The following PCBD2 variants were observed in gnomAD, a reference collection of about 807,000 sequenced individuals.
The protein encoded by PCBD2 is pterin-4-alpha-carbinolamine dehydratase 2.
A neutral mutation model predicts 16.4 loss-of-function variants in PCBD2; 12 were observed. The ratio of observed to expected loss-of-function variants is 0.73; its 90% CI spans 0.47 to 1.19. The LOEUF (loss-of-function observed/expected upper bound fraction) is 1.19, where lower values mean the gene tolerates loss of function less well. Ranked by LOEUF, PCBD2 falls within the 50% of genes most tolerant of loss-of-function variation. The probability of loss-of-function intolerance (pLI) is 0.00; values close to 1 mark genes in which losing one functional copy is unlikely to be tolerated. For missense variants in PCBD2, 138 were observed against 156.8 expected, an observed-to-expected ratio of 0.88 and a Z score of 0.64; for synonymous variants, 58 against 61.8, an observed-to-expected ratio of 0.94 and a Z score of 0.29.
chr5:134,962,240 C>T lies in PCBD2; in HGVS notation c.*1559C>T, dbSNP rs942658971. Among the ~76,000 whole-genome samples, 3 of 152,058 alleles carry T rather than the reference C, an allele frequency of 2.0e-5. No individual in the cohort carries two copies. The highest frequency in any genetic ancestry group is 7.2e-5 in the African/African-American group (3 of 41,404). ...CTGAGTAGCAGCGGTTACAGGCATG[C>T]ATCACCACACCTGGCTTATTTTTAA... On this transcript the variant is annotated 3_prime_UTR_variant, in exon 4 of 4. Transcript: ENST00000254908.
In PCBD2 at chr5:134,932,404, C is replaced by T. The variant is rs545804301; in HGVS notation, c.216+21938C>T. On this transcript the variant is annotated intron_variant, in intron 2 of 3. Coordinates refer to ENST00000254908, the MANE Select transcript of PCBD2 (RefSeq NM_032151.5). ...TCACCCAGGCTGGAATGCAGTGGTG[C>T]GATCTCAGCTCACTGCAACCTCCGT... 7.6e-4 allele frequency among the ~76,000 whole-genome samples: 115 copies of T among 151,944 alleles called. 3 individuals carry two copies. Among genetic ancestry groups the T allele is most frequent in the East Asian group, 1.9e-4 (1 of 5,148 alleles).
chr5:134,931,042 C>G (rs1031232623), intron 2 of PCBD2, among the ~76,000 whole-genome samples: 8 of 152,148 alleles, frequency 5.3e-5, no homozygotes, highest in Admixed American at 6.5e-5. Context: ...CTCAGCCTAC[C>G]GAGTAGCTGG....
At chr5:134,939,230 G>T (rs531552688) in intron 2 of PCBD2, among the ~76,000 whole-genome samples, 2 of 151,994 alleles carry the variant, frequency 1.3e-5, no homozygotes, top group Non-Finnish European at 2.9e-5. Flanking sequence ...ATTCAGTACC[G>T]TCCTGTCTTC....
chr5:134,923,229 A>G (rs1274326847), intron 2 of PCBD2: 1 of 152,948 alleles, frequency 6.5e-6, no homozygotes, highest in Non-Finnish European at 1.5e-5. Context: ...CTGCCTCTGC[A>G]TCAGAAAGGA....
chr5:134,960,220 G>C (rs912101055), intron 3 of PCBD2, among the ~76,000 whole-genome samples: 1 of 152,046 alleles, frequency 6.6e-6, no homozygotes, highest in Non-Finnish European at 1.5e-5. Flanking sequence ...TTGATAGCTT[G>C]GTTTTTCTCA....
chr5:134,942,129 T>C (rs1487458902), intron 2 of PCBD2, among the ~76,000 whole-genome samples: 3 of 39,242 alleles, frequency 7.6e-5, no homozygotes, highest in Non-Finnish European at 1.4e-4. Context: ...AGGCTCTGTC[T>C]CAAAAAAAAA....
intron 2 of PCBD2, among the ~76,000 whole-genome samples, chr5:134,912,936 C>T (rs750682355): frequency 2.6e-5 from 4 of 152,218 alleles, no homozygotes; most frequent in South Asian, 2.1e-4. Flanking sequence ...TTTATTGTAA[C>T]AACAGCATAA....
At chr5:134,957,858 C>A (rs1751432254) in intron 2 of PCBD2, among the ~76,000 whole-genome samples, 1 of 152,122 alleles carries the variant, frequency 6.6e-6, no homozygotes, top group Admixed American at 6.6e-5. Context: ...ATAGGGAAAA[C>A]CTTCAGGCCT....
At chr5:134,930,039 G>C (rs950743909) in intron 2 of PCBD2, among the ~76,000 whole-genome samples, 1 of 152,148 alleles carries the variant, frequency 6.6e-6, no homozygotes, top group African/African-American at 2.4e-5. Context: ...CTTTGATATA[G>C]GGCCTATCAA....
chr5:134,941,350 A>G (rs1751225379), intron 2 of PCBD2, among the ~76,000 whole-genome samples: 1 of 152,170 alleles, frequency 6.6e-6, no homozygotes, highest in African/African-American at 2.4e-5. Context: ...CTAAAAGAGG[A>G]CTTCATCATA....
chr5:134,937,460 G>A (rs1056429804), intron 2 of PCBD2, among the ~76,000 whole-genome samples: 1 of 152,166 alleles, frequency 6.6e-6, no homozygotes, highest in Non-Finnish European at 1.5e-5. Flanking sequence ...TTAAGAATAG[G>A]TTCTGCTGGT....
chr5:134,948,137 A>G (rs1439769433), intron 2 of PCBD2, among the ~76,000 whole-genome samples: 2 of 152,164 alleles, frequency 1.3e-5, no homozygotes, highest in East Asian at 1.9e-4. Flanking sequence ...TGGGTAGAAA[A>G]CTGGTGAAAT....
chr5:134,937,523 A>T (rs1247065586), intron 2 of PCBD2, among the ~76,000 whole-genome samples: 2 of 152,250 alleles, frequency 1.3e-5, no homozygotes, highest in South Asian at 4.1e-4. Context: ...CTATTTACCA[A>T]TTAACCATTA....
At chr5:134,958,048 T>C (rs1050910361) in intron 2 of PCBD2, among the ~76,000 whole-genome samples, 8 of 152,222 alleles carry the variant, frequency 5.3e-5, no homozygotes, top group African/African-American at 1.7e-4. Flanking sequence ...CATATTGGTT[T>C]TTCTGGATAG....
chr5:134,949,905 A>C (rs1683450459), intron 2 of PCBD2, among the ~76,000 whole-genome samples: 1 of 152,234 alleles, frequency 6.6e-6, no homozygotes, highest in African/African-American at 2.4e-5. Context: ...ATTAAAGTTG[A>C]AGAAGTGCAG....
intron 2 of PCBD2, among the ~76,000 whole-genome samples, chr5:134,921,108 C>T (rs760287897): frequency 3.9e-5 from 6 of 152,330 alleles, no homozygotes; most frequent in Middle Eastern, 3.4e-3. Flanking sequence ...TGTCAGGATT[C>T]GTGAACCCAG....
chr5:134,925,629 T>A, intron 2 of PCBD2: 1 of 397,658 alleles, frequency 2.5e-6, no homozygotes, highest in Non-Finnish European at 4.4e-6. Flanking sequence ...CTAGGCATAG[T>A]GTGAGAGTTT....
At chr5:134,907,533 G>A (rs1466804248) in intron 1 of PCBD2, among the ~76,000 whole-genome samples, 2 of 151,828 alleles carry the variant, frequency 1.3e-5, no homozygotes, top group Non-Finnish European at 2.9e-5. Context: ...GAGCCACCAC[G>A]CCTGGCCAAG....
At chr5:134,947,614 C>T (rs1228461552) in intron 2 of PCBD2, among the ~76,000 whole-genome samples, 2 of 151,546 alleles carry the variant, frequency 1.3e-5, no homozygotes, top group African/African-American at 4.8e-5. Context: ...GTCTTGATCT[C>T]CTGACCTTAT....
Sources: allele counts gnomAD v4.1 joint callset (sites outside exome capture counted in the v4.1 genomes callset), GRCh38; gene constraint gnomAD v4.1.1; transcripts MANE v1.5; gene names NCBI Gene and HGNC (gene_info 2026-07-23, HGNC 2026-07-21).